The following TEP1 variants were observed in gnomAD, a reference collection of about 807,000 sequenced individuals.
TEP1 encodes telomerase associated protein 1.
TEP1 carries 241 observed loss-of-function variants against 306.3 expected under a neutral mutation model. The observed-to-expected ratio is 0.79, with a 90% CI of 0.71 to 0.88. The LOEUF is 0.88. Among genes scored for constraint, TEP1 ranks in the 40% least tolerant of loss-of-function variants. TEP1 has a pLI of 0.00. For missense variants in TEP1, 3,051 were observed against 3,276.1 expected, an observed-to-expected ratio of 0.93 and a Z score of 1.68; for synonymous variants, 1,289 against 1,305.5, an observed-to-expected ratio of 0.99 and a Z score of 0.27.
At position 20,381,781 on chromosome 14, in the gene TEP1, G is replaced by T. The variant is rs12436041; in HGVS notation, c.4425-95C>A. The T allele has an allele frequency of 6.5e-7, 1 of 1,531,676 alleles. No individual in the cohort carries two copies. Among genetic ancestry groups the T allele is most frequent in the Non-Finnish European group, 8.7e-7 (1 of 1,143,018 alleles). 94.9% of individuals were successfully genotyped at this position (1,531,676 alleles called of 1,614,324 possible). A position where few individuals can be genotyped will look rare whatever the true frequency, so the allele number is the denominator to read the frequency against. ...GGCTCCTATTCCCCCCTCAAATAGC[G>T]GAAACTGGAGCAGCTGGAGCAGTAG... On this transcript the variant is annotated intron_variant, in intron 30 of 54. Coordinates refer to ENST00000262715, the MANE Select transcript of TEP1 (RefSeq NM_007110.5). This position sits in a 1 kb window ranked among gnomAD's most constrained non-coding sequence, Gnocchi z 4.0.
At chr14:20,377,557 T>C (rs546015654) in intron 40 of TEP1, 43 bp downstream of exon 40, 2 of 1,613,550 alleles carry the variant, frequency 1.2e-6, no homozygotes, top group African/African-American at 2.7e-5. Flanking sequence ...GGGGCTGCGC[T>C]CTTTCTAAAG....
chr14:20,390,316 C>A (rs1301867188), intron 15 of TEP1, among the ~76,000 whole-genome samples: 1 of 152,214 alleles, frequency 6.6e-6, no homozygotes, highest in African/African-American at 2.4e-5. Flanking sequence ...TTACTATTAT[C>A]TACACGTGCT....
intron 3 of TEP1, 142 bp downstream of exon 3, chr14:20,406,091 G>C (rs77092051): frequency 0.023 from 13,493 of 598,948 alleles, 180 homozygotes; most frequent in African/African-American, 0.045. Flanking sequence ...AAAAAGAAAA[G>C]GGGATTAGGA....
intron 10 of TEP1, among the ~76,000 whole-genome samples, 193 bp from the exon 11 acceptor site, chr14:20,396,142 G>A (rs530624842): frequency 3.3e-5 from 5 of 152,306 alleles, no homozygotes; most frequent in African/African-American, 7.2e-5. Context: ...AACAAAAGAA[G>A]AGAAAGTAAC....
At chr14:20,400,758 C>T (rs1878641436) in intron 9 of TEP1, 4 of 532,268 alleles carry the variant, frequency 7.5e-6, no homozygotes, top group Admixed American at 3.2e-5. Flanking sequence ...AAAACTTGTA[C>T]ATCACCTAAC....
rs1282297508 is a variant in TEP1 at position 20,368,792 on chromosome 14, A to ACT, written c.7761+4_7761+5dup. The stretch of plus-strand genomic sequence containing the variant: ...CACACACACACACACACACACACAC[A>ACT]CTTACCAGCTGCATACTGGGTCTCT... On this transcript the variant is annotated splice_donor_region_variant and intron_variant, in intron 54 of 54. Coordinates refer to ENST00000262715, the MANE Select transcript of TEP1 (RefSeq NM_007110.5). The ACT allele has an allele frequency of 6.2e-7, 1 of 1,604,842 alleles. No individual in the cohort carries two copies. Among genetic ancestry groups the ACT allele is most frequent in the South Asian group, 1.1e-5 (1 of 90,684 alleles).
intron 7 of TEP1, 98 bp downstream of exon 7, chr14:20,403,266 CAAGAATCCCCAGG>C: frequency 7.2e-7 from 1 of 1,390,562 alleles, no homozygotes; most frequent in Non-Finnish European, 9.8e-7. Context: ...CAATCACAGC[CAAGAATCCCCAGG>C]AAGAAAGTAT....
Position 20,371,176 on chromosome 14 carries a change from T to C in TEP1, c.7317+42A>G, listed in dbSNP as rs10139437. 6.4e-5 allele frequency: 101 copies of C among 1,566,046 alleles called. No individual in the cohort carries two copies. In the African/African-American group the frequency reaches 1.2e-3, roughly 19 times the overall value. ...CCCCAAGGTGTAAAAACACTGGTCCTAGACGAATGTTTGCTTTAGCACACA... is the reference window on the plus strand; with the variant it reads ...CCCCAAGGTGTAAAAACACTGGTCCCAGACGAATGTTTGCTTTAGCACACA... On this transcript the variant is annotated intron_variant, in intron 51 of 54. Transcript: ENST00000262715.
At chr14:20,371,047 T>A (rs1884800755) in intron 51 of TEP1, among the ~76,000 whole-genome samples, 171 bp downstream of exon 51, 1 of 152,222 alleles carries the variant, frequency 6.6e-6, no homozygotes, top group Admixed American at 6.5e-5. Context: ...AAATCTTACA[T>A]GGGAACCCAA....
rs373824031 is a variant in TEP1, at chr14:20,393,487, ACTTTT to A, written c.1929-1725_1929-1721del. Among the ~76,000 whole-genome samples, 1,429 of 152,314 alleles carry A rather than the reference ACTTTT, an allele frequency of 9.4e-3. 27 individuals carry two copies. Among genetic ancestry groups the A allele is most frequent in the African/African-American group, 0.033 (1,351 of 41,560 alleles). The stretch of plus-strand genomic sequence containing the variant: ...CAGTAAAAATAAATTGGTGAAATTA[ACTTTT>A]CTTTTCTTTAAGAGACAAGACAGGC... On this transcript the variant is annotated intron_variant, in intron 12 of 54. Coordinates refer to ENST00000262715, the MANE Select transcript of TEP1 (RefSeq NM_007110.5).
Position 20,380,979 on chromosome 14 carries a change from A to C in TEP1, c.4714T>G (p.Leu1572Val). Reference protein sequence around the residue: ...LTNLHVVAAHLELGLVSRLLE... With the variant: ...LTNLHVVAAHVELGLVSRLLE... ...AGCCGAGAGACCAGACCCAATTCCA[A>C]GTGTGCAGCCACCACATGGAGGTTG... The change falls in exon 33 of 55, where the codon TTG (leucine) becomes GTG (valine). Residue 1572 changes from leucine to valine, a missense_variant. Coordinates refer to ENST00000262715, the MANE Select transcript of TEP1 (RefSeq NM_007110.5). The C allele has an allele frequency of 6.2e-7, 1 of 1,614,154 alleles. No homozygotes were observed. The highest frequency in any genetic ancestry group is 8.5e-7 in the Non-Finnish European group (1 of 1,180,036).
At chr14:20,384,352 TC>T (rs1416749895) in intron 23 of TEP1, 38 bp downstream of exon 23, 1 of 1,612,744 alleles carries the variant, frequency 6.2e-7, no homozygotes, top group African/African-American at 1.3e-5. Context: ...CCACCCCATG[TC>T]CCTCTCCATG....
At chr14:20,390,582 T>C in intron 15 of TEP1, 99 bp downstream of exon 15, 1 of 1,121,256 alleles carries the variant, frequency 8.9e-7, no homozygotes, top group South Asian at 1.3e-5. Flanking sequence ...CTATTGTATG[T>C]GGTTGGAGAA....
intron 7 of TEP1, 79 bp downstream of exon 7, chr14:20,403,298 C>T: frequency 1.3e-6 from 2 of 1,544,454 alleles, no homozygotes; most frequent in African/African-American, 2.8e-5. Flanking sequence ...ATTTTCAACC[C>T]TAATAGAATT....
At chr14:20,389,005 G>A (rs12888864) in intron 17 of TEP1, among the ~76,000 whole-genome samples, 1 of 151,944 alleles carries the variant, frequency 6.6e-6, no homozygotes, top group African/African-American at 2.4e-5. Context: ...AAAATTAGCC[G>A]GGCATGGTGG....
intron 7 of TEP1, among the ~76,000 whole-genome samples, chr14:20,402,240 G>A (rs912400047): frequency 6.6e-6 from 1 of 152,092 alleles, no homozygotes; most frequent in African/African-American, 2.4e-5. Flanking sequence ...CCCAGGAGGT[G>A]GGGATTGCAG....
intron 28 of TEP1, 71 bp downstream of exon 28, chr14:20,382,552 G>C: frequency 6.3e-7 from 1 of 1,584,308 alleles, no homozygotes; most frequent in Non-Finnish European, 8.7e-7. Flanking sequence ...ACGTGGGATA[G>C]GGATGAGACA....
At position 20,371,530 on chromosome 14, in the gene TEP1, CT is replaced by C; in HGVS notation, c.7178del (p.Lys2393SerfsTer5). Reference protein sequence around the residue: ...HFLILAKADLKLLCMKPGDAP... With the variant: ...HFLILAKADLXLLCMKPGDAP... ...CATCCCCTGGCTTCATGCAAAGTAA[CT>C]TCAAATCTGCTTTGGCCAAGATGAG... On this transcript the variant is annotated frameshift_variant, in exon 50 of 55. Coordinates refer to ENST00000262715, the MANE Select transcript of TEP1 (RefSeq NM_007110.5). LOFTEE classifies it high-confidence loss of function. 2.5e-6 allele frequency: 4 copies of C among 1,609,326 alleles called. No homozygotes were observed. The highest frequency in any genetic ancestry group is 3.4e-6 in the Non-Finnish European group (4 of 1,179,050).
At chr14:20,405,651 C>A in intron 3 of TEP1, 66 bp from the exon 4 acceptor site, 1 of 1,568,018 alleles carries the variant, frequency 6.4e-7, no homozygotes, top group Non-Finnish European at 8.7e-7. Flanking sequence ...AGCATCCATG[C>A]AGACTAACTT....
Sources: gnomAD v4.1 joint callset for allele counts (sites outside exome capture counted in the v4.1 genomes callset) on GRCh38, gnomAD v4.1.1 for gene constraint, Gnocchi (gnomAD v3.1) non-coding constraint, MANE v1.5 for transcripts, NCBI Gene and HGNC (gene_info 2026-07-23, HGNC 2026-07-21) for gene names.